Variants in VRK3 observed in about 807,000 individuals in gnomAD.
VRK3 encodes VRK serine/threonine kinase 3.
VRK3 carries 50 observed loss-of-function variants against 60.4 expected under a neutral mutation model. That is an observed-to-expected ratio of 0.83 (90% CI 0.66 to 1.05). The LOEUF (loss-of-function observed/expected upper bound fraction) is 1.05, where lower values mean the gene tolerates loss of function less well. VRK3 is among the 50% of genes least tolerant of loss of function. The pLI is 0.00. For synonymous variants in VRK3, 246 were observed against 227.8 expected (o/e 1.08, Z -0.72); for missense variants, 549 against 585.3 (o/e 0.94, Z 0.64).
At chr19:49,997,459 C>T (rs771872903) in intron 7 of VRK3, 45 bp downstream of exon 7, 19 of 1,602,064 alleles carry the variant, frequency 1.2e-5, no homozygotes, top group Middle Eastern at 3.3e-4. Flanking sequence ...ACCAAGTTGG[C>T]GCCCCCCTCA....
chr19:50,005,651 C>G (rs1555849802), intron 5 of VRK3, among the ~76,000 whole-genome samples: 2 of 149,922 alleles, frequency 1.3e-5, no homozygotes, highest in Non-Finnish European at 2.9e-5. Context: ...GTGGCTAAGC[C>G]ACATGGGGTG....
intron 10 of VRK3, 44 bp from the exon 11 acceptor site, chr19:49,989,815 G>A (rs759744390): frequency 2.5e-5 from 39 of 1,530,978 alleles, no homozygotes; most frequent in South Asian, 1.3e-4. Context: ...GGTTAGGAGC[G>A]TAGAAGTCAG....
chr19:50,001,078 G>A (rs903466704), intron 5 of VRK3: 4 of 492,118 alleles, frequency 8.1e-6, no homozygotes, highest in Non-Finnish European at 1.4e-5. Flanking sequence ...AATGCAGCAG[G>A]CCTGAGACGG....
chr19:49,997,311 C>CTGG (rs549455285), intron 7 of VRK3, 193 bp downstream of exon 7: 217 of 532,880 alleles, frequency 4.1e-4, no homozygotes, highest in African/African-American at 3.8e-3. Context: ...CTTCCAAGAG[C>CTGG]TGGTGTGAGC....
chr19:49,999,285 CTG>C (rs2076759471), intron 6 of VRK3: 1 of 152,318 alleles, frequency 6.6e-6, no homozygotes, highest in Non-Finnish European at 1.5e-5. Flanking sequence ...TTTTTGCGTC[CTG>C]GAGTCCTCCC....
intron 2 of VRK3, among the ~76,000 whole-genome samples, chr19:50,019,715 C>CTTTTTTTTT: frequency 7.3e-3 from 368 of 50,264 alleles, no homozygotes; most frequent in African/African-American, 9.1e-3. Flanking sequence ...TTTTTTTTTA[C>CTTTTTTTTT]TTTTTGTAGA....
intron 12 of VRK3, chr19:49,981,317 G>A (rs1369448228): frequency 8.8e-6 from 3 of 342,286 alleles, no homozygotes; most frequent in Admixed American, 4.3e-5. Context: ...GAGGCCGAGG[G>A]GGGTGGATCA....
chr19:50,006,777 G>A (rs902435998), intron 5 of VRK3, among the ~76,000 whole-genome samples: 2 of 152,180 alleles, frequency 1.3e-5, no homozygotes, highest in Non-Finnish European at 2.9e-5. Context: ...AACAGGCCTG[G>A]CCTTGCAGAA....
chr19:50,004,910 T>C (rs746271714), intron 5 of VRK3, among the ~76,000 whole-genome samples: 1 of 150,992 alleles, frequency 6.6e-6, no homozygotes, highest in African/African-American at 2.5e-5. Context: ...ACTCCATCTC[T>C]TAAAAATAAA....
At chr19:49,978,004 G>A (rs145716469) in intron 14 of VRK3, among the ~76,000 whole-genome samples, 319 of 152,298 alleles carry the variant, frequency 2.1e-3, no homozygotes, top group Non-Finnish European at 3.8e-3. Flanking sequence ...TAATCCAAGC[G>A]CCAAGAAGAA....
intron 5 of VRK3, among the ~76,000 whole-genome samples, chr19:50,007,352 C>T (rs1040251816): frequency 1.3e-5 from 2 of 152,182 alleles, no homozygotes; most frequent in African/African-American, 4.8e-5. Flanking sequence ...GTCCCCGCCA[C>T]TCCCAACTGC....
intron 13 of VRK3, 145 bp from the exon 14 acceptor site, chr19:49,979,387 G>T: frequency 8.5e-7 from 1 of 1,179,786 alleles, no homozygotes; most frequent in Non-Finnish European, 1.2e-6. Flanking sequence ...TTGTTGCCTG[G>T]CATTGCCAGA....
chr19:49,992,963 A>C lies in VRK3; in HGVS notation c.871-11T>G, dbSNP rs777994037. The C allele has an allele frequency of 1.0e-4, 165 of 1,609,530 alleles. No individual in the cohort carries two copies. Among genetic ancestry groups the C allele is most frequent in the Middle Eastern group, 1.6e-4 (1 of 6,068 alleles). ...CTCCAGGGCATCCAGCTGGGGGAAGAAGCAAGTCAGTGTCTGCATGAGCAG... is the reference window on the plus strand; with the variant it reads ...CTCCAGGGCATCCAGCTGGGGGAAGCAGCAAGTCAGTGTCTGCATGAGCAG... On this transcript the variant is annotated splice_polypyrimidine_tract_variant and intron_variant, in intron 9 of 14. Transcript: ENST00000316763.
chr19:49,988,215 T>C, intron 12 of VRK3, 157 bp downstream of exon 12: 2 of 1,179,232 alleles, frequency 1.7e-6, no homozygotes, highest in African/African-American at 1.6e-5. Context: ...GCCTGCTGTG[T>C]GGACACTGCA....
At chr19:50,008,483 C>T (rs147182814) in intron 4 of VRK3, among the ~76,000 whole-genome samples, 1 of 152,276 alleles carries the variant, frequency 6.6e-6, no homozygotes, top group Non-Finnish European at 1.5e-5. Flanking sequence ...AAAGGGGACG[C>T]CTCACACTGC....
intron 14 of VRK3, among the ~76,000 whole-genome samples, chr19:49,978,183 C>A (rs2076363527): frequency 6.6e-6 from 1 of 152,124 alleles, no homozygotes; most frequent in African/African-American, 2.4e-5. Flanking sequence ...AGCATCCCGG[C>A]CTCCACTGTC....
Position 49,981,002 on chromosome 19 carries a change from T to A in VRK3, c.1229A>T (p.Lys410Met). ...IMKQKQKFVD[K>M]PGPFVGPCGH... Reference sequence around the variant, plus strand: ...GCAGGGTCCCACGAAGGGCCCCGGCTTATCAACAAACCTGAAGGGACAGAA... The same window carrying A: ...GCAGGGTCCCACGAAGGGCCCCGGCATATCAACAAACCTGAAGGGACAGAA... The change falls in exon 13 of 15, where the codon AAG becomes ATG. Residue 410 changes from lysine (K) to methionine (M), a missense_variant. Coordinates refer to ENST00000316763, the MANE Select transcript of VRK3 (RefSeq NM_016440.4). 1 of 1,612,580 alleles carries A rather than the reference T, an allele frequency of 6.2e-7. No individual in the cohort carries two copies. The highest frequency in any genetic ancestry group is 1.3e-5 in the African/African-American group (1 of 74,998).
chr19:50,003,531 T>C (rs1185875199), intron 5 of VRK3, among the ~76,000 whole-genome samples: 2 of 152,172 alleles, frequency 1.3e-5, no homozygotes, highest in Non-Finnish European at 2.9e-5. Flanking sequence ...TTCTCCCCTA[T>C]AGCTCAGCGA....
At chr19:49,990,868 T>C (rs1467051582) in intron 10 of VRK3, among the ~76,000 whole-genome samples, 3 of 151,872 alleles carry the variant, frequency 2.0e-5, no homozygotes, top group Non-Finnish European at 4.4e-5. Flanking sequence ...CACTGCAGTC[T>C]CCATCTCCTG....
Sources: allele counts gnomAD v4.1 joint callset (sites outside exome capture counted in the v4.1 genomes callset), GRCh38; gene constraint gnomAD v4.1.1; transcripts MANE v1.5; gene names NCBI Gene and HGNC (gene_info 2026-07-23, HGNC 2026-07-21).